The following GALNT12 variants were observed in gnomAD, a reference collection of about 807,000 sequenced individuals.
GALNT12 encodes the protein UDP-GalNAc:polypeptide N-acetylgalactosaminyltransferase 12.
A neutral mutation model predicts 55.5 loss-of-function variants in GALNT12; 45 were observed. That is an observed-to-expected ratio of 0.81 (90% confidence interval 0.64 to 1.04). The LOEUF (loss-of-function observed/expected upper bound fraction) is 1.04, where lower values mean the gene tolerates loss of function less well. Among genes scored for constraint, GALNT12 ranks in the 50% least tolerant of loss-of-function variants. The pLI is 0.00. For missense variants in GALNT12, 709 were observed against 754.8 expected, an observed-to-expected ratio of 0.94 and a Z score of 0.71; for synonymous variants, 304 against 312.2, an observed-to-expected ratio of 0.97 and a Z score of 0.28.
At chr9:98,829,187 A>G (rs895128290) in intron 3 of GALNT12, among the ~76,000 whole-genome samples, 2 of 148,046 alleles carry the variant, frequency 1.4e-5, no homozygotes, top group African/African-American at 5.0e-5. Context: ...CTATCTATCT[A>G]TCTATCTATC....
Position 98,846,112 on chromosome 9 carries a change from A to G in GALNT12, c.1594A>G (p.Ile532Val). The G allele has an allele frequency of 6.2e-7, 1 of 1,614,218 alleles. No homozygotes were observed. The highest frequency in any genetic ancestry group is 1.1e-5 in the South Asian group (1 of 91,084). The change falls in exon 9 of 10, where the codon ATC becomes GTC. Residue 532 changes from isoleucine (I) to valine (V), a missense_variant. Physicochemically the swap from Ile to Val is conservative, Grantham distance 29 (BLOSUM62 3). Coordinates refer to ENST00000375011, the MANE Select transcript of GALNT12 (RefSeq NM_024642.5). ...AACTGCCCCAGAGAATCAGAAGTTC[A>G]TCTTGCAGGAGGTAGGTGAACTCTC... ...EETAPENQKF[I>V]LQEDGSLFHE...
chr9:98,815,786 A>G (rs537375699), intron 1 of GALNT12, among the ~76,000 whole-genome samples: 87 of 152,380 alleles, frequency 5.7e-4, no homozygotes, highest in Middle Eastern at 3.4e-3. Context: ...ATCACCATTG[A>G]TAACATTTTG....
intron 9 of GALNT12, among the ~76,000 whole-genome samples, chr9:98,846,572 A>ACAATAGGCCAG (rs1836418771): frequency 6.6e-6 from 1 of 152,152 alleles, no homozygotes; most frequent in African/African-American, 2.4e-5. Context: ...TAAAATAGGT[A>ACAATAGGCCAG]CAATAGGCCA....
intron 1 of GALNT12, among the ~76,000 whole-genome samples, chr9:98,817,591 G>A (rs528055713): frequency 6.6e-6 from 1 of 152,164 alleles, no homozygotes; most frequent in African/African-American, 2.4e-5. Flanking sequence ...AGCCTCCGGA[G>A]TAGCTGGGAC....
At chr9:98,842,788 A>C (rs988760448) in intron 7 of GALNT12, among the ~76,000 whole-genome samples, 8 of 150,424 alleles carry the variant, frequency 5.3e-5, no homozygotes, top group African/African-American at 1.7e-4. Flanking sequence ...TTGTAACTTA[A>C]ATTTTTTTAG....
chr9:98,814,374 T>A (rs927087240), intron 1 of GALNT12, among the ~76,000 whole-genome samples: 2 of 152,266 alleles, frequency 1.3e-5, no homozygotes, highest in Admixed American at 1.3e-4. Flanking sequence ...TGATTTTTTT[T>A]AAAAGACATT....
intron 4 of GALNT12, 102 bp from the exon 5 acceptor site, chr9:98,835,147 T>A: frequency 1.2e-6 from 1 of 853,272 alleles, no homozygotes; most frequent in Non-Finnish European, 2.1e-6. Flanking sequence ...TGCTTAGAGA[T>A]GACAGATGAA....
At chr9:98,848,833 T>C in intron 9 of GALNT12, 119 bp from the exon 10 acceptor site, 1 of 1,190,342 alleles carries the variant, frequency 8.4e-7, no homozygotes, top group Non-Finnish European at 1.2e-6. Context: ...CGGAAGACAC[T>C]TACCCCTCAA....
intron 1 of GALNT12, among the ~76,000 whole-genome samples, chr9:98,814,030 A>G (rs907045497): frequency 6.6e-6 from 1 of 152,228 alleles, no homozygotes; most frequent in Non-Finnish European, 1.5e-5. Context: ...CTATTATAGA[A>G]AAGTCTGGGA....
chr9:98,830,704 A>T (rs1368559439), intron 3 of GALNT12, among the ~76,000 whole-genome samples: 1 of 152,244 alleles, frequency 6.6e-6, no homozygotes, highest in Non-Finnish European at 1.5e-5. Context: ...GTTGGTGGAT[A>T]CCTAGTATGC....
chr9:98,811,973 A>G (rs951204672), intron 1 of GALNT12, among the ~76,000 whole-genome samples: 3 of 152,182 alleles, frequency 2.0e-5, no homozygotes, highest in Admixed American at 6.5e-5. Context: ...GTGAGCCACC[A>G]TGCCCAGCCT....
At chr9:98,842,166 C>T (rs1342416834) in intron 7 of GALNT12, among the ~76,000 whole-genome samples, 1 of 150,780 alleles carries the variant, frequency 6.6e-6, no homozygotes, top group Non-Finnish European at 1.5e-5. Flanking sequence ...CGGTGTGCTT[C>T]AATCAATTCA....
rs543249021 is a variant in GALNT12 at position 98,849,789 on chromosome 9, C to T, written c.*697C>T. On this transcript the variant is annotated 3_prime_UTR_variant, in exon 10 of 10. Coordinates refer to ENST00000375011, the MANE Select transcript of GALNT12 (RefSeq NM_024642.5). ...AGAGCGAACTTCTAACAATGCCGCA[C>T]TGTAGTGTGGCTGGTTCTACCACTA... 61 of 392,598 alleles carry T rather than the reference C, an allele frequency of 1.6e-4. No individual in the cohort carries two copies. The highest frequency in any genetic ancestry group is 1.2e-3 in the African/African-American group (56 of 48,664). 24.3% of individuals were successfully genotyped at this position (392,598 alleles called of 1,614,324 possible).
In GALNT12 at chr9:98,836,965, T is replaced by C. The variant is rs1212730825; in HGVS notation, c.1036-7T>C. The C allele has an allele frequency of 1.2e-6, 2 of 1,613,992 alleles. No individual in the cohort carries two copies. Among genetic ancestry groups the C allele is most frequent in the African/African-American group, 2.7e-5 (2 of 74,912 alleles). On this transcript the variant is annotated splice_polypyrimidine_tract_variant and splice_region_variant and intron_variant, in intron 5 of 9. Coordinates refer to ENST00000375011, the MANE Select transcript of GALNT12 (RefSeq NM_024642.5). ...ACCACCTGGCCTCTCCTTTTCTCTG[T>C]GTGCAGATCTGGCAGTGTGGTGGGG... is the stretch of plus-strand genomic sequence containing the variant.
At position 98,847,613 on chromosome 9, in the gene GALNT12, C is replaced by T. The variant is rs532232406; in HGVS notation, c.1606-1339C>T. ...AAGGATACTGAATTGGATTTTTTAC[C>T]TTTCTTCAGGACGCTTAATACTTTG... On this transcript the variant is annotated intron_variant, in intron 9 of 9. Coordinates refer to ENST00000375011, the MANE Select transcript of GALNT12 (RefSeq NM_024642.5). 53 of 152,128 alleles carry T rather than the reference C, an allele frequency of 3.5e-4. No individual in the cohort carries two copies. In the East Asian group the frequency reaches 9.5e-3, roughly 27 times the overall value. 9.4% of individuals were successfully genotyped at this position (152,128 alleles called of 1,614,324 possible). A position where few individuals can be genotyped will look rare whatever the true frequency, so the allele number is the denominator to read the frequency against.
At chr9:98,842,516 A>G (rs1278927248) in intron 7 of GALNT12, among the ~76,000 whole-genome samples, 1 of 152,158 alleles carries the variant, frequency 6.6e-6, no homozygotes, top group Non-Finnish European at 1.5e-5. Flanking sequence ...AAATATATGA[A>G]AATTGTTTTT....
At chr9:98,830,381 C>T (rs1429292933) in intron 3 of GALNT12, among the ~76,000 whole-genome samples, 2 of 152,178 alleles carry the variant, frequency 1.3e-5, no homozygotes, top group Non-Finnish European at 2.9e-5. Context: ...TCAGGGAGGC[C>T]AAGTATCCTG....
At chr9:98,845,269 T>C (rs2118499868) in intron 8 of GALNT12, among the ~76,000 whole-genome samples, 1 of 152,244 alleles carries the variant, frequency 6.6e-6, no homozygotes, top group African/African-American at 2.4e-5. Flanking sequence ...AGCCCTGCTC[T>C]GTGCGCCTTA....
chr9:98,829,156 T>C (rs902632000), intron 3 of GALNT12, among the ~76,000 whole-genome samples: 1 of 87,856 alleles, frequency 1.1e-5, no homozygotes, highest in African/African-American at 3.6e-5. Flanking sequence ...ATTTTTTTTA[T>C]CTATCTATCT....
Sources: allele counts gnomAD v4.1 joint callset (sites outside exome capture counted in the v4.1 genomes callset), GRCh38; gene constraint gnomAD v4.1.1; transcripts MANE v1.5; gene names NCBI Gene and HGNC (gene_info 2026-07-23, HGNC 2026-07-21).